The following PRKCZ variants were observed in gnomAD, a reference collection of about 807,000 sequenced individuals.
PRKCZ encodes the protein protein kinase C zeta.
PRKCZ carries 33 observed loss-of-function variants against 79.5 expected under a neutral mutation model. That is an observed-to-expected ratio of 0.41 (90% CI 0.31 to 0.55). The LOEUF is 0.55. Among genes scored for constraint, PRKCZ ranks in the 20% least tolerant of loss-of-function variants. PRKCZ has a pLI of 0.19. For synonymous variants in PRKCZ, 342 were observed against 320.9 expected (o/e 1.07, Z -0.70); for missense variants, 578 against 813.5 (o/e 0.71, Z 3.52).
chr1:2,063,194 GT>G (rs1474034305), intron 4 of PRKCZ, among the ~76,000 whole-genome samples: 6 of 152,342 alleles, frequency 3.9e-5, no homozygotes, highest in Admixed American at 3.9e-4. Context: ...GACTTCCACA[GT>G]TTAGCTGTCG....
At chr1:2,158,322 C>T (rs909719511) in intron 10 of PRKCZ, among the ~76,000 whole-genome samples, 1 of 152,234 alleles carries the variant, frequency 6.6e-6, no homozygotes, top group African/African-American at 2.4e-5. Flanking sequence ...CTGATTCCTC[C>T]TCCCCAGTTG....
At chr1:2,161,001 C>CGGG (rs1317030028) in intron 10 of PRKCZ, among the ~76,000 whole-genome samples, 32 of 152,254 alleles carry the variant, frequency 2.1e-4, no homozygotes, top group Non-Finnish European at 4.0e-4. Context: ...GTGGGTGCCA[C>CGGG]AGCAAGGACA....
intron 4 of PRKCZ, among the ~76,000 whole-genome samples, chr1:2,090,143 T>C (rs1025859788): frequency 2.0e-5 from 3 of 152,206 alleles, no homozygotes; most frequent in Admixed American, 6.5e-5. Context: ...CTCACTTAAC[T>C]GATTACATCT....
At chr1:2,158,020 G>T (rs1681440591) in intron 10 of PRKCZ, among the ~76,000 whole-genome samples, 1 of 152,216 alleles carries the variant, frequency 6.6e-6, no homozygotes, top group Admixed American at 6.5e-5. Flanking sequence ...CTCCTCCGCT[G>T]CACTCTTGGC....
intron 4 of PRKCZ, among the ~76,000 whole-genome samples, chr1:2,085,668 C>A (rs1294913744): frequency 6.9e-6 from 1 of 144,680 alleles, no homozygotes; most frequent in Non-Finnish European, 1.5e-5. Flanking sequence ...GTTCTCAGAG[C>A]CCGTGAGGCA....
Position 2,173,401 on chromosome 1 carries a change from G to A in PRKCZ, c.1286-496G>A, listed in dbSNP as rs1684846598. Among the ~76,000 whole-genome samples the A allele has an allele frequency of 6.6e-6, 1 of 152,204 alleles. No individual in the cohort carries two copies. Among genetic ancestry groups the A allele is most frequent in the Admixed American group, 6.5e-5 (1 of 15,284 alleles). On this transcript the variant is annotated intron_variant, in intron 13 of 17. Coordinates refer to ENST00000378567, the MANE Select transcript of PRKCZ (RefSeq NM_002744.6). This position sits in a 1 kb window ranked among gnomAD's most constrained non-coding sequence, Gnocchi z 5.7. Reference sequence around the variant, plus strand: ...GGGGACTTCCGGGGACGCAGAGACAGCTGCTGTCCTTGGGCAAAACGGGTC... The same window carrying A: ...GGGGACTTCCGGGGACGCAGAGACAACTGCTGTCCTTGGGCAAAACGGGTC...
chr1:2,140,087 A>G (rs573630538), intron 5 of PRKCZ, among the ~76,000 whole-genome samples: 15 of 152,328 alleles, frequency 9.8e-5, no homozygotes, highest in Admixed American at 8.5e-4. Flanking sequence ...AGATCAGAAG[A>G]TGCCATCCAT....
intron 4 of PRKCZ, chr1:2,104,888 T>A: frequency 7.1e-6 from 7 of 985,308 alleles, no homozygotes; most frequent in Non-Finnish European, 8.4e-6. Context: ...AGAAGAGCAG[T>A]TTTCAGGGTG....
intron 4 of PRKCZ, among the ~76,000 whole-genome samples, chr1:2,124,848 G>A (rs984680852): frequency 6.6e-6 from 1 of 152,130 alleles, no homozygotes; most frequent in Admixed American, 6.5e-5. Flanking sequence ...TGACGCACTT[G>A]TCTGGTCTCG....
At chr1:2,131,898 A>G (rs968252377) in intron 4 of PRKCZ, among the ~76,000 whole-genome samples, 2 of 151,836 alleles carry the variant, frequency 1.3e-5, no homozygotes, top group Admixed American at 6.5e-5. Flanking sequence ...TGCAAGCTCC[A>G]CCTCCCGGGT....
chr1:2,057,328 C>T lies in PRKCZ; in HGVS notation c.283+755C>T, dbSNP rs927668785. Among the ~76,000 whole-genome samples, 9 of 152,286 alleles carry T rather than the reference C, an allele frequency of 5.9e-5. No individual in the cohort carries two copies. The South Asian group carries it at 8.3e-4, about 14-fold the overall frequency. ...CCGGTACTGCTGGGGGTCTGCAGGGCGTCTGGGGCCTGGGAATGTGGTTCC... is the reference window on the plus strand; with the variant it reads ...CCGGTACTGCTGGGGGTCTGCAGGGTGTCTGGGGCCTGGGAATGTGGTTCC... On this transcript the variant is annotated intron_variant, in intron 3 of 17. Transcript: ENST00000378567.
rs1309203518 is a variant in PRKCZ at position 2,110,809 on chromosome 1, G to T, written c.335-24453G>T. Among the ~76,000 whole-genome samples, 5 of 152,174 alleles carry T rather than the reference G, an allele frequency of 3.3e-5. No individual in the cohort carries two copies. In the East Asian group the frequency reaches 9.7e-4, roughly 29 times the overall value. ...GGCTGGTGACAGTGGAGTCCCTGTG[G>T]GGGGCAGGGCTGGTGGACAGTAGAG... On this transcript the variant is annotated intron_variant, in intron 4 of 17. Transcript: ENST00000378567.
chr1:2,077,387 C>T (rs903020541), intron 4 of PRKCZ, among the ~76,000 whole-genome samples: 4 of 152,164 alleles, frequency 2.6e-5, no homozygotes, highest in African/African-American at 7.2e-5. Context: ...GACCCAGGTG[C>T]ACTGGCAGCT....
intron 4 of PRKCZ, among the ~76,000 whole-genome samples, chr1:2,102,841 T>C (rs534144907): frequency 2.2e-4 from 34 of 152,044 alleles, no homozygotes; most frequent in African/African-American, 8.2e-4. Flanking sequence ...GCCTTACCCT[T>C]TGGACTCTTG....
intron 10 of PRKCZ, among the ~76,000 whole-genome samples, chr1:2,164,211 A>G (rs1175184100): frequency 6.6e-6 from 1 of 152,196 alleles, no homozygotes; most frequent in African/African-American, 2.4e-5. Flanking sequence ...TGATCAAGGG[A>G]GACACAGGAT....
chr1:2,179,290 G>A (rs376737667), intron 16 of PRKCZ, among the ~76,000 whole-genome samples: 10 of 152,342 alleles, frequency 6.6e-5, no homozygotes, highest in East Asian at 1.9e-4. Context: ...GGCCTGTCCC[G>A]GGTGAGCTTT....
At chr1:2,071,559 A>G (rs1661592198) in intron 4 of PRKCZ, 1 of 181,636 alleles carries the variant, frequency 5.5e-6, no homozygotes, top group Non-Finnish European at 1.2e-5. Flanking sequence ...AATTATTTGC[A>G]ACAAACTGGA....
At chr1:2,147,039 A>G (rs539819169) in intron 7 of PRKCZ, among the ~76,000 whole-genome samples, 9 of 152,112 alleles carry the variant, frequency 5.9e-5, no homozygotes, top group African/African-American at 2.2e-4. Flanking sequence ...CCACCCACCC[A>G]TCCTCCAGCT....
intron 4 of PRKCZ, among the ~76,000 whole-genome samples, chr1:2,113,933 G>GC (rs1670231183): frequency 6.6e-6 from 1 of 151,338 alleles, no homozygotes; most frequent in Admixed American, 6.6e-5. Context: ...GAGGGCGGGG[G>GC]CCCAGCCCAC....
Sources: allele counts gnomAD v4.1 joint callset (sites outside exome capture counted in the v4.1 genomes callset), GRCh38; gene constraint gnomAD v4.1.1; non-coding constraint Gnocchi (gnomAD v3.1); transcripts MANE v1.5; gene names NCBI Gene and HGNC (gene_info 2026-07-23, HGNC 2026-07-21).